The following AQP9 variants were observed in gnomAD, a reference collection of about 807,000 sequenced individuals.
AQP9 encodes the protein aquaporin-9.
Under a neutral mutation model 23.8 loss-of-function variants are expected in AQP9, and 19 were observed. The observed-to-expected ratio is 0.80, with a 90% confidence interval of 0.56 to 1.17. The LOEUF is 1.17. AQP9 is among the 50% of genes most tolerant of loss of function. The pLI, the probability that AQP9 is intolerant of heterozygous loss-of-function variation, is 0.00. For synonymous variants in AQP9, 153 were observed against 131.5 expected, an observed-to-expected ratio of 1.16 and a Z score of -1.12; for missense variants, 413 against 362.0, an observed-to-expected ratio of 1.14 and a Z score of -1.14.
At chr15:58,172,728 C>T (rs1189989791) in intron 2 of AQP9, among the ~76,000 whole-genome samples, 4 of 152,150 alleles carry the variant, frequency 2.6e-5, no homozygotes, top group Non-Finnish European at 4.4e-5. Context: ...TTAATAGCTA[C>T]ATCAGTCTGT....
chr15:58,175,833 C>T (rs1419195688), intron 4 of AQP9, among the ~76,000 whole-genome samples: 1 of 152,180 alleles, frequency 6.6e-6, no homozygotes, highest in African/African-American at 2.4e-5. Flanking sequence ...AAACTATGCC[C>T]TCATGTCCTC....
At chr15:58,150,158 GC>G (rs1306789734) in intron 1 of AQP9, 1 of 152,700 alleles carries the variant, frequency 6.5e-6, no homozygotes, top group African/African-American at 2.4e-5. Context: ...GATAGCGTAT[GC>G]CCTGTCTCAG....
At chr15:58,163,340 C>T (rs1473101320) in intron 1 of AQP9, among the ~76,000 whole-genome samples, 1 of 152,128 alleles carries the variant, frequency 6.6e-6, no homozygotes, top group Non-Finnish European at 1.5e-5. Context: ...AGTCTGTAGG[C>T]CTGCAGAGGA....
At chr15:58,182,258 T>C (rs1161667980) in intron 5 of AQP9, among the ~76,000 whole-genome samples, 6 of 152,194 alleles carry the variant, frequency 3.9e-5, no homozygotes, top group African/African-American at 1.4e-4. Context: ...GCCCAAAGTA[T>C]TGAATCCCTA....
At chr15:58,146,002 T>G (rs1194523268) in intron 1 of AQP9, among the ~76,000 whole-genome samples, 1 of 152,230 alleles carries the variant, frequency 6.6e-6, no homozygotes, top group Non-Finnish European at 1.5e-5. Flanking sequence ...GGGTCTCATT[T>G]TTGTCCTTAA....
In AQP9 at chr15:58,138,455, T is replaced by TC; in HGVS notation, c.-109dup. On this transcript the variant is annotated 5_prime_UTR_variant, in exon 1 of 6. Coordinates refer to ENST00000219919, the MANE Select transcript of AQP9 (RefSeq NM_020980.5). ...CAGTCAGAGACTCTTACCAGACATCTCCAGGAATCTGTGAGCCATTGTCAA... is the reference window on the plus strand; with the variant it reads ...CAGTCAGAGACTCTTACCAGACATCTCCCAGGAATCTGTGAGCCATTGTCAA... 1 of 771,968 alleles carries TC rather than the reference T, an allele frequency of 1.3e-6. No individual in the cohort carries two copies. The highest frequency in any genetic ancestry group is 2.1e-6 in the Non-Finnish European group (1 of 468,782). The allele number at this position is 771,968 out of a possible 1,614,324, so 47.8% of individuals were successfully genotyped here. A position where few individuals can be genotyped will look rare whatever the true frequency, so the allele number is the denominator to read the frequency against.
At chr15:58,181,478 G>A (rs1187072687) in intron 5 of AQP9, among the ~76,000 whole-genome samples, 1 of 152,192 alleles carries the variant, frequency 6.6e-6, no homozygotes, top group African/African-American at 2.4e-5. Flanking sequence ...GTGGAAGTGG[G>A]AACATTTATA....
At position 58,166,742 on chromosome 15, in the gene AQP9, A is replaced by G. The variant is rs1180276406; in HGVS notation, c.181A>G (p.Asn61Asp). The G allele has an allele frequency of 1.2e-6, 2 of 1,613,954 alleles. No homozygotes were observed. The highest frequency in any genetic ancestry group is 1.7e-5 in the Admixed American group (1 of 59,996). The change falls in exon 2 of 6, where the codon AAT (asparagine) becomes GAT (aspartate). Residue 61 changes from asparagine (N) to aspartate (D), a missense_variant. By Grantham distance (23) the Asn-to-Asp change is conservative. Coordinates refer to ENST00000219919, the MANE Select transcript of AQP9 (RefSeq NM_020980.5). Reference sequence around the variant, plus strand: ...ACGTTTTGGAGGGGTCATCACTATCAATGTTGGATTTTCAATGGCAGTTGC... The same window carrying G: ...ACGTTTTGGAGGGGTCATCACTATCGATGTTGGATTTTCAATGGCAGTTGC... ...RGRFGGVITI[N>D]VGFSMAVAMA...
Position 58,173,222 on chromosome 15 carries a change from A to C in AQP9, c.376+17A>C. 1 of 1,613,918 alleles carries C rather than the reference A, an allele frequency of 6.2e-7. No homozygotes were observed. Among genetic ancestry groups the C allele is most frequent in the Non-Finnish European group, 8.5e-7 (1 of 1,179,900 alleles). ...TTTACTATGGTGAGTAAAGTCCCTG[A>C]GTCCTAAGGTTAGGAAGAGCTGGGC... On this transcript the variant is annotated intron_variant, in intron 3 of 5. Coordinates refer to ENST00000219919, the MANE Select transcript of AQP9 (RefSeq NM_020980.5).
chr15:58,166,017 A>AT (rs1898495288), intron 1 of AQP9, among the ~76,000 whole-genome samples: 1 of 152,106 alleles, frequency 6.6e-6, no homozygotes, highest in South Asian at 2.1e-4. Flanking sequence ...TACATCAGAC[A>AT]TTTTTTCTAA....
At chr15:58,143,302 C>T (rs137923148) in intron 1 of AQP9, among the ~76,000 whole-genome samples, 25 of 152,212 alleles carry the variant, frequency 1.6e-4, no homozygotes, top group Non-Finnish European at 2.6e-4. Context: ...TTTAAAGACT[C>T]GAGGCTGTCT....
chr15:58,174,180 C>T (rs1292474929), intron 3 of AQP9, among the ~76,000 whole-genome samples: 1 of 151,794 alleles, frequency 6.6e-6, no homozygotes. Flanking sequence ...CCCAGCTACT[C>T]AGGAGGCTGA....
chr15:58,142,440 G>T (rs1230269616), intron 1 of AQP9, among the ~76,000 whole-genome samples: 1 of 152,210 alleles, frequency 6.6e-6, no homozygotes, highest in Admixed American at 6.5e-5. Context: ...AGTGTCAAAA[G>T]ATGATTTTAC....
At chr15:58,161,489 A>T (rs1388111513) in intron 1 of AQP9, among the ~76,000 whole-genome samples, 1 of 152,212 alleles carries the variant, frequency 6.6e-6, no homozygotes, top group Admixed American at 6.5e-5. Context: ...TCAGAGAGTA[A>T]TCATAAATAG....
At chr15:58,165,397 TA>T (rs1898476977) in intron 1 of AQP9, among the ~76,000 whole-genome samples, 1 of 152,180 alleles carries the variant, frequency 6.6e-6, no homozygotes, top group Non-Finnish European at 1.5e-5. Flanking sequence ...AGATGGGTTT[TA>T]AAAAAGAGAG....
intron 1 of AQP9, among the ~76,000 whole-genome samples, chr15:58,158,456 C>T (rs1215475387): frequency 1.3e-5 from 2 of 152,120 alleles, no homozygotes; most frequent in African/African-American, 4.8e-5. Flanking sequence ...TACTTACCTC[C>T]CAGAATGTTA....
At chr15:58,166,562 C>T (rs1339237435) in intron 1 of AQP9, 111 bp from the exon 2 acceptor site, 3 of 1,402,996 alleles carry the variant, frequency 2.1e-6, no homozygotes, top group Non-Finnish European at 2.9e-6. Flanking sequence ...GTATAAAACC[C>T]AAGGCAACCC....
intron 4 of AQP9, among the ~76,000 whole-genome samples, chr15:58,176,800 G>A (rs565197755): frequency 5.9e-5 from 9 of 151,854 alleles, no homozygotes; most frequent in East Asian, 1.9e-4. Flanking sequence ...TAGTAGAGAC[G>A]GGGTTTCACC....
intron 5 of AQP9, among the ~76,000 whole-genome samples, chr15:58,180,757 C>A (rs1055853095): frequency 6.6e-6 from 1 of 152,170 alleles, no homozygotes; most frequent in Non-Finnish European, 1.5e-5. Flanking sequence ...AATGGGTAGA[C>A]GCCAGGAATG....
Sources: gnomAD v4.1 joint callset for allele counts (sites outside exome capture counted in the v4.1 genomes callset) on GRCh38, gnomAD v4.1.1 for gene constraint, MANE v1.5 for transcripts, NCBI Gene and HGNC (gene_info 2026-07-23, HGNC 2026-07-21) for gene names.